STOX2: variants seen among roughly 807,000 people sequenced by gnomAD.
STOX2 encodes storkhead-box protein 2.
STOX2 carries 28 observed loss-of-function variants against 60.9 expected under a neutral mutation model. That is an observed-to-expected ratio of 0.46 (90% CI 0.34 to 0.63). The LOEUF (loss-of-function observed/expected upper bound fraction) is 0.63. Among genes scored for constraint, STOX2 ranks in the 30% least tolerant of loss-of-function variants. The pLI is 0.01. For missense variants in STOX2, 1,024 were observed against 1,187.7 expected (o/e 0.86, Z 2.03); for synonymous variants, 472 against 463.9 (o/e 1.02, Z -0.22).
At chr4:183,954,343 C>T (rs1372550524) in intron 1 of STOX2, among the ~76,000 whole-genome samples, 1 of 152,024 alleles carries the variant, frequency 6.6e-6, no homozygotes, top group Non-Finnish European at 1.5e-5. Flanking sequence ...GGCTGGAGTG[C>T]AGTGGCATGA....
chr4:183,957,744 T>C (rs1743291514), intron 1 of STOX2, among the ~76,000 whole-genome samples: 1 of 152,236 alleles, frequency 6.6e-6, no homozygotes, highest in South Asian at 2.1e-4. Context: ...TTTCCTGCCT[T>C]GGACCTATTT....
rs538706463 is a variant in STOX2 at position 183,801,540 on chromosome 4, G to A, written c.364+3485G>A. Among the ~76,000 whole-genome samples the A allele has an allele frequency of 3.0e-4, 45 of 152,294 alleles. 1 individual carries two copies. Among genetic ancestry groups the A allele is most frequent in the Non-Finnish European group, 5.7e-4 (39 of 68,022 alleles). Reference sequence around the variant, plus strand: ...TGAGGACTCTTTGTTTTGAGTGAACGAGAAGCAGTTACTTCTGTCTTGTGA... The same window carrying A: ...TGAGGACTCTTTGTTTTGAGTGAACAAGAAGCAGTTACTTCTGTCTTGTGA... On this transcript the variant is annotated intron_variant, in intron 1 of 2. Transcript: ENST00000513034.
chr4:183,915,335 G>A (rs899753841), intron 1 of STOX2, among the ~76,000 whole-genome samples: 4 of 152,082 alleles, frequency 2.6e-5, no homozygotes, highest in Non-Finnish European at 5.9e-5. Flanking sequence ...TACTGCTTTC[G>A]GCATATCCAA....
At chr4:183,837,461 T>TC (rs933616930) in intron 1 of STOX2, among the ~76,000 whole-genome samples, 4 of 145,608 alleles carry the variant, frequency 2.7e-5, no homozygotes, top group Non-Finnish European at 6.1e-5. Flanking sequence ...GAGTCCGTGC[T>TC]TTTTTTTTTT....
chr4:183,881,869 C>T (rs181749071), intron 1 of STOX2, among the ~76,000 whole-genome samples: 7 of 152,218 alleles, frequency 4.6e-5, no homozygotes, highest in Middle Eastern at 3.4e-3. Flanking sequence ...TATCATAGAT[C>T]GAGACATCTT....
Position 183,806,281 on chromosome 4 carries a change from G to C in STOX2, c.364+8226G>C, listed in dbSNP as rs769253832. ...AATGACTTGCTTCTGTAAGCAGGAT[G>C]TCACCTCCCCACTCCCCAATAACGT... On this transcript the variant is annotated intron_variant, in intron 1 of 2. Coordinates refer to the STOX2 transcript ENST00000513034. This position sits in a 1 kb window ranked among gnomAD's most constrained non-coding sequence, Gnocchi z 4.1. Among the ~76,000 whole-genome samples, 19 of 152,162 alleles carry C rather than the reference G, an allele frequency of 1.2e-4. No individual in the cohort carries two copies. The highest frequency in any genetic ancestry group is 5.9e-5 in the Non-Finnish European group (4 of 68,034).
intron 1 of STOX2, among the ~76,000 whole-genome samples, chr4:183,885,498 C>A (rs1034209192): frequency 5.3e-5 from 8 of 152,140 alleles, no homozygotes; most frequent in Non-Finnish European, 1.2e-4. Flanking sequence ...TTCTGTGCAG[C>A]GAGACAAATG....
chr4:184,003,289 T>C (rs961218423), intron 2 of STOX2, among the ~76,000 whole-genome samples: 1 of 152,226 alleles, frequency 6.6e-6, no homozygotes, highest in African/African-American at 2.4e-5. Context: ...TTTTGGGCTC[T>C]AAAATAAATA....
intron 1 of STOX2, among the ~76,000 whole-genome samples, chr4:183,969,379 AC>A (rs1743672203): frequency 6.6e-6 from 1 of 152,208 alleles, no homozygotes; most frequent in Non-Finnish European, 1.5e-5. Context: ...ATTTATATTA[AC>A]AGTTTGATAT....
chr4:183,889,631 G>A (rs1528684), intron 1 of STOX2, among the ~76,000 whole-genome samples: 116,432 of 152,216 alleles, frequency 0.76, 45,442 homozygotes, highest in Non-Finnish European at 0.85. Flanking sequence ...CGTGAAGGAG[G>A]CCTTCCCTTC....
intron 1 of STOX2, among the ~76,000 whole-genome samples, chr4:183,807,073 C>G (rs937259069): frequency 2.0e-5 from 3 of 152,032 alleles, no homozygotes; most frequent in Non-Finnish European, 2.9e-5. Flanking sequence ...CCCGGGTTCA[C>G]GCCATTCTCC....
rs536147632 is a variant in STOX2 at position 183,906,710 on chromosome 4, C to T, written c.-81C>T. ...TGCGCAGAGTCCGCCCGGGTCGTGC[C>T]CGCCGTAGACGGATGAAGGAGCGCG... On this transcript the variant is annotated 5_prime_UTR_variant, in exon 1 of 4. Transcript: ENST00000308497. The T allele has an allele frequency of 1.4e-6, 2 of 1,382,432 alleles. No homozygotes were observed. Among genetic ancestry groups the T allele is most frequent in the African/African-American group, 1.5e-5 (1 of 67,050 alleles). 85.6% of individuals were successfully genotyped at this position (1,382,432 alleles called of 1,614,324 possible). A position where few individuals can be genotyped will look rare whatever the true frequency, so the allele number is the denominator to read the frequency against.
At chr4:183,932,213 T>G (rs1181038886) in intron 1 of STOX2, among the ~76,000 whole-genome samples, 1 of 151,916 alleles carries the variant, frequency 6.6e-6, no homozygotes, top group African/African-American at 2.4e-5. Context: ...GGAGCAGCTA[T>G]GGGGTTGGGG....
In STOX2 at chr4:184,022,067, A is replaced by ACT. The variant is rs1734613457; in HGVS notation, c.*4784_*4785dup. On this transcript the variant is annotated 3_prime_UTR_variant, in exon 4 of 4. Coordinates refer to ENST00000308497, the MANE Select transcript of STOX2 (RefSeq NM_020225.3). ...CATGAATGCAAAAGGCATGGAAAACACTGTTTTGCTTTGGGTTAGTAAAAT... is the reference window on the plus strand; with the variant it reads ...CATGAATGCAAAAGGCATGGAAAACACTCTGTTTTGCTTTGGGTTAGTAAAAT... The ACT allele has an allele frequency of 6.6e-6, 1 of 152,118 alleles. No individual in the cohort carries two copies. The highest frequency in any genetic ancestry group is 2.1e-4 in the South Asian group (1 of 4,830). 9.4% of individuals were successfully genotyped at this position (152,118 alleles called of 1,614,324 possible).
At chr4:183,999,452 C>A (rs1733489495) in intron 1 of STOX2, among the ~76,000 whole-genome samples, 1 of 152,186 alleles carries the variant, frequency 6.6e-6, no homozygotes, top group South Asian at 2.1e-4. Flanking sequence ...TCCCTTCCTC[C>A]TTTTCTGGAT....
At chr4:183,994,298 G>A (rs1302048035) in intron 1 of STOX2, among the ~76,000 whole-genome samples, 4 of 152,180 alleles carry the variant, frequency 2.6e-5, no homozygotes, top group African/African-American at 9.7e-5. Context: ...TGGCATCCGT[G>A]ATTTTAACTT....
Position 183,906,349 on chromosome 4 carries a change from T to G in STOX2, c.-442T>G. On this transcript the variant is annotated 5_prime_UTR_variant, in exon 1 of 4. Coordinates refer to ENST00000308497, the MANE Select transcript of STOX2 (RefSeq NM_020225.3). Reference sequence around the variant, plus strand: ...AGCCCCGGAGGCCTCGGCTGCCTCATTTGTTTGGGTCTTTTGTGCCGTGGC... The same window carrying G: ...AGCCCCGGAGGCCTCGGCTGCCTCAGTTGTTTGGGTCTTTTGTGCCGTGGC... 3 of 152,434 alleles carry G rather than the reference T, an allele frequency of 2.0e-5. No individual in the cohort carries two copies. The highest frequency in any genetic ancestry group is 4.4e-5 in the Non-Finnish European group (3 of 68,512). 9.4% of individuals were successfully genotyped at this position (152,434 alleles called of 1,614,324 possible).
At chr4:183,892,953 C>T (rs1741260048) in intron 1 of STOX2, among the ~76,000 whole-genome samples, 1 of 152,158 alleles carries the variant, frequency 6.6e-6, no homozygotes, top group African/African-American at 2.4e-5. Context: ...TGTATCATGG[C>T]TCTGGAAAAG....
chr4:183,867,031 T>C (rs1011510848), intron 1 of STOX2, among the ~76,000 whole-genome samples: 32 of 152,236 alleles, frequency 2.1e-4, no homozygotes, highest in African/African-American at 3.4e-4. Context: ...CTTTTTTTTT[T>C]CCCCCTATGA....
Sources: allele counts gnomAD v4.1 joint callset (sites outside exome capture counted in the v4.1 genomes callset), GRCh38; gene constraint gnomAD v4.1.1; non-coding constraint Gnocchi (gnomAD v3.1); transcripts MANE v1.5; gene names NCBI Gene and HGNC (gene_info 2026-07-23, HGNC 2026-07-21).